Variants in SRGAP2B observed in about 807,000 individuals in gnomAD.
SRGAP2B encodes the protein SLIT-ROBO Rho GTPase-activating protein 2B.
Under a neutral mutation model 22.2 loss-of-function variants are expected in SRGAP2B, and 9 were observed. That is an observed-to-expected ratio of 0.41 (90% CI 0.24 to 0.71). The LOEUF (loss-of-function observed/expected upper bound fraction) is 0.71, where lower values mean the gene tolerates loss of function less well. SRGAP2B is among the 30% of genes least tolerant of loss of function. The probability of loss-of-function intolerance (pLI) is 0.35; values close to 1 mark genes in which losing one functional copy is unlikely to be tolerated. For missense variants in SRGAP2B, 114 were observed against 235.8 expected (o/e 0.48, Z 3.38); for synonymous variants, 36 against 87.4 (o/e 0.41, Z 3.28).
At chr1:144,955,248 T>C (rs1203924584) in intron 4 of SRGAP2B, among the ~76,000 whole-genome samples, 191 bp downstream of exon 4, 1 of 148,884 alleles carries the variant, frequency 6.7e-6, no homozygotes, top group African/African-American at 2.6e-5. Context: ...CTTTTATTTT[T>C]TCTTTCCAAC....
At chr1:144,952,679 G>T (rs1465509777) in intron 4 of SRGAP2B, among the ~76,000 whole-genome samples, 3 of 150,490 alleles carry the variant, frequency 2.0e-5, no homozygotes, top group Non-Finnish European at 4.4e-5. Flanking sequence ...TCATTCTGTT[G>T]CCCAGGCTGG....
At chr1:145,013,012 G>A (rs1187367193) in intron 2 of SRGAP2B, among the ~76,000 whole-genome samples, 1 of 150,120 alleles carries the variant, frequency 6.7e-6, no homozygotes, top group African/African-American at 2.5e-5. Flanking sequence ...GAGCCCACAA[G>A]GCAAAGATTG....
Position 144,955,731 on chromosome 1 carries a change from C to A in SRGAP2B, c.261-130G>T. 5.5e-6 allele frequency: 3 copies of A among 545,008 alleles called. No individual in the cohort carries two copies. The East Asian group carries it at 9.2e-5, about 17-fold the overall frequency. The allele number at this position is 545,008 out of a possible 1,614,324, so 33.8% of individuals were successfully genotyped here. A position where few individuals can be genotyped will look rare whatever the true frequency, so the allele number is the denominator to read the frequency against. On this transcript the variant is annotated intron_variant, in intron 3 of 9. Transcript: ENST00000612199. ...AGAAATAAAGATATTTTTCCTGAAG[C>A]TCACCTCTCTAGTTTTCTCCTTTTC... is the stretch of plus-strand genomic sequence containing the variant.
intron 3 of SRGAP2B, among the ~76,000 whole-genome samples, chr1:144,979,585 A>G (rs2102054261): frequency 6.9e-6 from 1 of 145,882 alleles, no homozygotes; most frequent in South Asian, 2.3e-4. Flanking sequence ...GTGATTCCAA[A>G]TGTTGGAGGT....
chr1:145,019,354 G>GA (rs1378647114), intron 2 of SRGAP2B, among the ~76,000 whole-genome samples: 5 of 100,418 alleles, frequency 5.0e-5, no homozygotes, highest in Non-Finnish European at 7.7e-5. Flanking sequence ...CCAAAAAAAA[G>GA]AAAAAAAAGA....
At chr1:144,957,985 C>A (rs1384576242) in intron 3 of SRGAP2B, among the ~76,000 whole-genome samples, 1 of 149,670 alleles carries the variant, frequency 6.7e-6, no homozygotes, top group African/African-American at 2.5e-5. Flanking sequence ...TACATACACA[C>A]AAATAATGCC....
intron 3 of SRGAP2B, among the ~76,000 whole-genome samples, chr1:144,966,010 T>C (rs1332523723): frequency 6.6e-6 from 1 of 150,702 alleles, no homozygotes; most frequent in Non-Finnish European, 1.5e-5. Context: ...CAAATCTACG[T>C]CTGATTGGTG....
In SRGAP2B at chr1:145,031,703, C is replaced by T. The variant is rs4372286; in HGVS notation, c.68-36503G>A. Among the ~76,000 whole-genome samples, 1,261 of 144,638 alleles carry T rather than the reference C, an allele frequency of 8.7e-3. 163 individuals carry two copies. Among genetic ancestry groups the T allele is most frequent in the African/African-American group, 0.035 (1,221 of 35,042 alleles). The allele number at this position is 144,638 out of a possible 152,430, so 94.9% of individuals were successfully genotyped here. ...TCTACTAAAAATACAAAAAATTAGC[C>T]CGGAGTGGTGGTGGGCGCCTGTAGT... On this transcript the variant is annotated intron_variant, in intron 2 of 9. Transcript: ENST00000612199.
At chr1:144,925,755 G>C (rs1270872765) in intron 4 of SRGAP2B, among the ~76,000 whole-genome samples, 13 of 140,146 alleles carry the variant, frequency 9.3e-5, no homozygotes, top group Non-Finnish European at 2.0e-4. Flanking sequence ...AAGAAAGAAA[G>C]AAAGAAAGAA....
chr1:144,918,353 G>A (rs1250542185), intron 4 of SRGAP2B: 2 of 149,084 alleles, frequency 1.3e-5, no homozygotes, highest in Non-Finnish European at 3.0e-5. Context: ...TGGGAAGTGT[G>A]ATGGTGTGCT....
At chr1:144,953,196 C>A (rs1553609704) in intron 4 of SRGAP2B, among the ~76,000 whole-genome samples, 1 of 142,072 alleles carries the variant, frequency 7.0e-6, no homozygotes. Context: ...TGAAAGAAAC[C>A]AAACAAAAAA....
intron 2 of SRGAP2B, among the ~76,000 whole-genome samples, chr1:145,072,797 A>AC (rs1162861345): frequency 6.7e-6 from 1 of 149,244 alleles, no homozygotes; most frequent in Non-Finnish European, 1.5e-5. Context: ...AAGGAGATCA[A>AC]CCACTTCTGC....
chr1:144,889,109 C>T (rs1187556137), exon 10 of SRGAP2B: 1 of 143,038 alleles, frequency 7.0e-6, no homozygotes, highest in African/African-American at 2.8e-5. Flanking sequence ...CGCCTGCCAC[C>T]ACACTCAGCT....
chr1:145,001,773 G>A (rs1224909131), intron 2 of SRGAP2B, among the ~76,000 whole-genome samples: 8 of 150,704 alleles, frequency 5.3e-5, no homozygotes, highest in Non-Finnish European at 1.2e-4. Context: ...GTAATCCCGG[G>A]ACTTTGGGAA....
intron 3 of SRGAP2B, among the ~76,000 whole-genome samples, chr1:144,969,988 C>G (rs1668379179): frequency 6.6e-6 from 1 of 150,392 alleles, no homozygotes; most frequent in African/African-American, 2.5e-5. Context: ...ATTAAAAAGT[C>G]AGGAAACAAC....
intron 2 of SRGAP2B, among the ~76,000 whole-genome samples, chr1:144,999,212 T>C (rs1219973487): frequency 6.6e-6 from 1 of 150,558 alleles, no homozygotes; most frequent in African/African-American, 2.5e-5. Context: ...ATGGAGATGG[T>C]GGGGTCCTTG....
intron 3 of SRGAP2B, among the ~76,000 whole-genome samples, chr1:144,973,116 AAAG>A (rs1174036446): frequency 1.3e-5 from 2 of 148,462 alleles, no homozygotes; most frequent in Non-Finnish European, 3.0e-5. Flanking sequence ...TCAACAAAAA[AAAG>A]AATAACAGAA....
At chr1:144,905,356 T>A in intron 6 of SRGAP2B, 137 bp from the exon 7 acceptor site, 1 of 599,204 alleles carries the variant, frequency 1.7e-6, no homozygotes. Context: ...AATTGGGTTC[T>A]AATTCTGTTT....
At chr1:145,030,192 A>G (rs1176613763) in intron 2 of SRGAP2B, among the ~76,000 whole-genome samples, 2 of 146,902 alleles carry the variant, frequency 1.4e-5, no homozygotes, top group Admixed American at 6.8e-5. Flanking sequence ...TAACTTTGTG[A>G]CAGTCTGATT....
Sources: gnomAD v4.1 joint callset for allele counts (sites outside exome capture counted in the v4.1 genomes callset) on GRCh38, gnomAD v4.1.1 for gene constraint, MANE v1.5 for transcripts, NCBI Gene and HGNC (gene_info 2026-07-23, HGNC 2026-07-21) for gene names.